Variants in CUBN observed in about 807,000 individuals in gnomAD.
CUBN encodes 460 kDa receptor.
CUBN carries 282 observed loss-of-function variants against 405.3 expected under a neutral mutation model. That is an observed-to-expected ratio of 0.70 (90% CI 0.63 to 0.77). The LOEUF is 0.77. Among genes scored for constraint, CUBN ranks in the 30% least tolerant of loss-of-function variants. CUBN has a pLI of 0.00. For synonymous variants in CUBN, 1,684 were observed against 1,617.0 expected, an observed-to-expected ratio of 1.04 and a Z score of -0.99; for missense variants, 4,514 against 4,475.2, an observed-to-expected ratio of 1.01 and a Z score of -0.25.
At chr10:16,862,160 T>TCTCTCACACACACACACACACACACA (rs144560387) in intron 59 of CUBN, among the ~76,000 whole-genome samples, 12 of 131,202 alleles carry the variant, frequency 9.1e-5, no homozygotes, top group African/African-American at 3.6e-4. Flanking sequence ...TCTCTCTCTC[T>TCTCTCACACACACACACACACACACA]CACACACACA....
At chr10:17,047,384 G>T (rs1309903346) in intron 23 of CUBN, 30 bp downstream of exon 23, 3 of 1,497,932 alleles carry the variant, frequency 2.0e-6, no homozygotes, top group South Asian at 1.2e-5. Flanking sequence ...ATAATGAAAA[G>T]ATTATAATGA....
chr10:16,974,974 CTGTTTA>C, intron 31 of CUBN, among the ~76,000 whole-genome samples: 1 of 152,118 alleles, frequency 6.6e-6, no homozygotes, highest in Admixed American at 6.5e-5. Flanking sequence ...TGTTAATTGA[CTGTTTA>C]TGTTAATGGT....
At position 16,840,326 on chromosome 10, in the gene CUBN, T is replaced by C. The variant is rs776609400; in HGVS notation, c.10032+4A>G. On this transcript the variant is annotated splice_donor_region_variant and intron_variant, in intron 62 of 66. Coordinates refer to ENST00000377833, the MANE Select transcript of CUBN (RefSeq NM_001081.4). ...GTGACTGCCATTCATCTTATAATTG[T>C]TACCTGCGGTGAGTCCTGAAGCTGT... 1.9e-6 allele frequency: 3 copies of C among 1,613,210 alleles called. No homozygotes were observed. The African/African-American group carries it at 4.0e-5, about 22-fold the overall frequency.
intron 22 of CUBN, among the ~76,000 whole-genome samples, chr10:17,055,694 C>T (rs1361672350): frequency 6.6e-6 from 1 of 151,868 alleles, no homozygotes; most frequent in Non-Finnish European, 1.5e-5. Flanking sequence ...CATAAAAACA[C>T]GAAACACTTG....
rs3847363 is a variant in CUBN, at chr10:16,933,464, A to G, written c.5927-180T>C. Among the ~76,000 whole-genome samples, 4,988 of 152,298 alleles carry G rather than the reference A, an allele frequency of 0.033. 314 individuals carry two copies. Among genetic ancestry groups the G allele is most frequent in the East Asian group, 0.17 (895 of 5,186 alleles). ...GATTCGGAAAGCTGCAATTTCCGCAATTGATCTTTGATGTAAAAAAAATGC... is the reference window on the plus strand; with the variant it reads ...GATTCGGAAAGCTGCAATTTCCGCAGTTGATCTTTGATGTAAAAAAAATGC... On this transcript the variant is annotated intron_variant, in intron 39 of 66. Coordinates refer to ENST00000377833, the MANE Select transcript of CUBN (RefSeq NM_001081.4).
In CUBN at chr10:16,954,519, G is replaced by A; in HGVS notation, c.4725C>T (p.Ser1575=). 1 of 1,613,792 alleles carries A rather than the reference G, an allele frequency of 6.2e-7. No individual in the cohort carries two copies. Among genetic ancestry groups the A allele is most frequent in the Non-Finnish European group, 8.5e-7 (1 of 1,180,004 alleles). ...MAYDGLSSTM[S]RLARTCGREQ... ...CCCTTCCACACGTCCTGGCAAGGCG[G>A]GACATTGTGGAGCTTAAGCCATCGT... Residue 1575 remains serine (S), a synonymous_variant, in exon 32 of 67, where the codon TCC becomes TCT. Coordinates refer to ENST00000377833, the MANE Select transcript of CUBN (RefSeq NM_001081.4).
At chr10:17,086,253 C>T (rs554120822) in intron 15 of CUBN, among the ~76,000 whole-genome samples, 66 of 152,176 alleles carry the variant, frequency 4.3e-4, no homozygotes, top group Non-Finnish European at 8.7e-4. Context: ...CATGAGCCAC[C>T]GCGCCTGGCC....
intron 19 of CUBN, among the ~76,000 whole-genome samples, chr10:17,069,431 C>A (rs1393089732): frequency 6.6e-6 from 1 of 152,058 alleles, no homozygotes; most frequent in East Asian, 1.9e-4. Flanking sequence ...GTGGCTGTAC[C>A]AGTTTACATC....
chr10:16,885,896 A>C (rs57405501), intron 56 of CUBN, among the ~76,000 whole-genome samples: 3,963 of 152,288 alleles, frequency 0.026, 173 homozygotes, highest in African/African-American at 0.089. Context: ...AATAACATAA[A>C]AGCTATAAAG....
In CUBN at chr10:16,889,853, C is replaced by T. The variant is rs143802383; in HGVS notation, c.8755+518G>A. ...GGAGGTGGAGGTTGCAGGAGAATGG[C>T]GTGAACCCAGGACGTGGAGGGTGCA... On this transcript the variant is annotated intron_variant, in intron 55 of 66. Transcript: ENST00000377833. 8.1e-5 allele frequency among the ~76,000 whole-genome samples: 12 copies of T among 147,376 alleles called. No individual in the cohort carries two copies. The East Asian group carries it at 1.8e-3, about 22-fold the overall frequency.
chr10:16,840,585 T>C (rs1839317359), intron 61 of CUBN, 50 bp from the exon 62 acceptor site: 1 of 1,422,824 alleles, frequency 7.0e-7, no homozygotes, highest in Non-Finnish European at 9.7e-7. Context: ...TCATGTCTCA[T>C]CTCAGGCAAT....
rs1001702428 is a variant in CUBN at position 16,869,557 on chromosome 10, T to C, written c.9454+79A>G. On this transcript the variant is annotated intron_variant, in intron 59 of 66. Transcript: ENST00000377833. ...AAAAGCAATCATAATCAGGTGGGGG[T>C]GGGGGGGGGGCGGGGAAATTAAATA... 7.1e-6 allele frequency: 5 copies of C among 708,518 alleles called. No individual in the cohort carries two copies. In the African/African-American group the frequency reaches 1.2e-4, roughly 17 times the overall value. The allele number at this position is 708,518 out of a possible 1,614,324, so 43.9% of individuals were successfully genotyped here. A position where few individuals can be genotyped will look rare whatever the true frequency, so the allele number is the denominator to read the frequency against.
rs763817461 is a variant in CUBN at position 16,841,075 on chromosome 10, T to G, written c.9664-28A>C. 6 of 1,610,156 alleles carry G rather than the reference T, an allele frequency of 3.7e-6. No individual in the cohort carries two copies. The Admixed American group carries it at 8.3e-5, about 22-fold the overall frequency. On this transcript the variant is annotated intron_variant, in intron 60 of 66. Transcript: ENST00000377833. The stretch of plus-strand genomic sequence containing the variant: ...GAGAAGAAAAACAATTCATTACTTC[T>G]CCATTACTTACAAAAAATTGCATAT...
intron 54 of CUBN, among the ~76,000 whole-genome samples, chr10:16,894,109 T>C (rs1231781220): frequency 1.3e-5 from 2 of 152,184 alleles, no homozygotes; most frequent in Non-Finnish European, 1.5e-5. Context: ...GAGACTTCTT[T>C]ATATATTTTA....
At chr10:16,973,064 A>G (rs1455022303) in intron 31 of CUBN, among the ~76,000 whole-genome samples, 3 of 152,110 alleles carry the variant, frequency 2.0e-5, no homozygotes, top group African/African-American at 4.8e-5. Context: ...CATACTACCT[A>G]TAGGATAATT....
At chr10:16,844,811 G>A (rs938121016) in intron 60 of CUBN, among the ~76,000 whole-genome samples, 1 of 152,118 alleles carries the variant, frequency 6.6e-6, no homozygotes. Flanking sequence ...CCTACAATGC[G>A]TTGCAGGGGA....
At chr10:17,009,596 C>A (rs1311325299) in intron 28 of CUBN, among the ~76,000 whole-genome samples, 1 of 151,094 alleles carries the variant, frequency 6.6e-6, no homozygotes, top group East Asian at 1.9e-4. Context: ...AAAATCACTG[C>A]CCTCCCAAAC....
At chr10:16,835,653 G>A (rs557830008) in intron 63 of CUBN, among the ~76,000 whole-genome samples, 24 of 139,690 alleles carry the variant, frequency 1.7e-4, no homozygotes, top group Admixed American at 9.6e-4. Context: ...AAGTACTTTC[G>A]TTTGTTTTAA....
intron 31 of CUBN, among the ~76,000 whole-genome samples, chr10:16,961,366 TTA>T (rs1473293352): frequency 6.6e-6 from 1 of 151,964 alleles, no homozygotes; most frequent in East Asian, 1.9e-4. Flanking sequence ...GTGCCCGGCC[TTA>T]ATTTTCATAC....
Sources: allele counts gnomAD v4.1 joint callset (sites outside exome capture counted in the v4.1 genomes callset), GRCh38; gene constraint gnomAD v4.1.1; transcripts MANE v1.5; gene names NCBI Gene and HGNC (gene_info 2026-07-23, HGNC 2026-07-21).